The following GTF2H5 variants were observed in gnomAD, a reference collection of about 807,000 sequenced individuals.
GTF2H5 encodes TFB5 ortholog.
Under a neutral mutation model 7.1 loss-of-function variants are expected in GTF2H5, and 5 were observed. That is an observed-to-expected ratio of 0.71 (90% confidence interval 0.37 to 1.49). The LOEUF is 1.49. Among genes scored for constraint, GTF2H5 ranks in the 40% most tolerant of loss-of-function variants. GTF2H5 has a pLI of 0.03. For missense variants in GTF2H5, 80 were observed against 83.0 expected, an observed-to-expected ratio of 0.96 and a Z score of 0.14; for synonymous variants, 30 against 31.7, an observed-to-expected ratio of 0.95 and a Z score of 0.18.
intron 2 of GTF2H5, among the ~76,000 whole-genome samples, chr6:158,182,494 C>G (rs1786024184): frequency 6.6e-6 from 1 of 152,116 alleles, no homozygotes; most frequent in Admixed American, 6.5e-5. Context: ...CCATTCTCCT[C>G]GTCACTTTCA....
chr6:158,185,121 C>T (rs1776890581), intron 2 of GTF2H5, among the ~76,000 whole-genome samples: 1 of 148,084 alleles, frequency 6.8e-6, no homozygotes, highest in South Asian at 2.1e-4. Context: ...TGTTTCATGA[C>T]AAAATGTCCC....
intron 2 of GTF2H5, among the ~76,000 whole-genome samples, chr6:158,171,571 T>C (rs962090867): frequency 6.6e-6 from 1 of 152,062 alleles, no homozygotes; most frequent in South Asian, 2.1e-4. Flanking sequence ...TGGGCACTGA[T>C]TGAGAACTGG....
chr6:158,191,734 G>A (rs997038158), intron 2 of GTF2H5, among the ~76,000 whole-genome samples: 1 of 152,106 alleles, frequency 6.6e-6, no homozygotes, highest in Non-Finnish European at 1.5e-5. Context: ...CACCCACCTC[G>A]GCCTCCCAAA....
chr6:158,181,873 C>G (rs1184541515), intron 2 of GTF2H5, among the ~76,000 whole-genome samples: 3 of 152,188 alleles, frequency 2.0e-5, no homozygotes, highest in Non-Finnish European at 4.4e-5. Flanking sequence ...AGCCCATTTA[C>G]ATTTAAGGTT....
intron 1 of GTF2H5, among the ~76,000 whole-genome samples, chr6:158,168,820 G>A (rs1337751063): frequency 1.3e-5 from 2 of 152,142 alleles, no homozygotes; most frequent in South Asian, 4.1e-4. Context: ...GGCTGAGGCC[G>A]GGCGCGGTGG....
Sources: gnomAD v4.1 joint callset for allele counts (sites outside exome capture counted in the v4.1 genomes callset) on GRCh38, gnomAD v4.1.1 for gene constraint, MANE v1.5 for transcripts, NCBI Gene and HGNC (gene_info 2026-07-23, HGNC 2026-07-21) for gene names.